ROCK2: variants seen among roughly 807,000 people sequenced by gnomAD.
The protein encoded by ROCK2 is rho-associated protein kinase 2.
A neutral mutation model predicts 195.1 loss-of-function variants in ROCK2; 61 were observed. That is an observed-to-expected ratio of 0.31 (90% CI 0.25 to 0.39). ROCK2 has a LOEUF of 0.39. Among genes scored for constraint, ROCK2 ranks in the 10% least tolerant of loss-of-function variants. The pLI is 1.00. For missense variants in ROCK2, 1,109 were observed against 1,637.4 expected (o/e 0.68, Z 5.57); for synonymous variants, 504 against 545.5 (o/e 0.92, Z 1.06).
At chr2:11,307,907 G>A in intron 1 of ROCK2, 1 of 1,263,772 alleles carries the variant, frequency 7.9e-7, no homozygotes, top group Admixed American at 3.1e-5. Context: ...GGGTGGCGGT[G>A]GTGGCCGTAG....
At chr2:11,189,886 G>A (rs981257845) in intron 32 of ROCK2, among the ~76,000 whole-genome samples, 17 of 151,944 alleles carry the variant, frequency 1.1e-4, no homozygotes, top group African/African-American at 4.1e-4. Context: ...ACCTACTCTG[G>A]GAGGCTGAGG....
At chr2:11,231,064 CT>C (rs1414857147) in intron 5 of ROCK2, among the ~76,000 whole-genome samples, 1 of 151,456 alleles carries the variant, frequency 6.6e-6, no homozygotes, top group Non-Finnish European at 1.5e-5. Flanking sequence ...AAATGCATAC[CT>C]TTTTTTAAAA....
chr2:11,234,450 T>C (rs1226983612), intron 5 of ROCK2: 1 of 152,164 alleles, frequency 6.6e-6, no homozygotes, highest in African/African-American at 2.4e-5. Context: ...TAGGAAATTA[T>C]TTCATACTTC....
Position 11,344,601 on chromosome 2 carries a change from C to G in ROCK2, c.-465G>C, listed in dbSNP as rs1306170445. 2.2e-6 allele frequency: 1 copy of G among 454,444 alleles called. No individual in the cohort carries two copies. The highest frequency in any genetic ancestry group is 2.1e-5 in the African/African-American group (1 of 46,638). 28.2% of individuals were successfully genotyped at this position (454,444 alleles called of 1,614,324 possible). A position where few individuals can be genotyped will look rare whatever the true frequency, so the allele number is the denominator to read the frequency against. On this transcript the variant is annotated 5_prime_UTR_variant, in exon 1 of 33. Coordinates refer to ENST00000315872, the MANE Select transcript of ROCK2 (RefSeq NM_004850.5). The surrounding 1 kb of genome is among the most constrained non-coding windows in gnomAD (Gnocchi z 5.4). Reference sequence around the variant, plus strand: ...GGCCGCCTTGCAGTCCCTCAGCCAGCTCCCGGCGCACACACTCCCGCGCGG... The same window carrying G: ...GGCCGCCTTGCAGTCCCTCAGCCAGGTCCCGGCGCACACACTCCCGCGCGG...
chr2:11,244,935 C>G (rs1045695414), intron 4 of ROCK2, among the ~76,000 whole-genome samples: 4 of 151,842 alleles, frequency 2.6e-5, no homozygotes, highest in African/African-American at 9.7e-5. Flanking sequence ...ATAAGAAAAC[C>G]AAGAGCCCAT....
At chr2:11,326,044 G>T (rs905733982) in intron 1 of ROCK2, among the ~76,000 whole-genome samples, 4 of 152,166 alleles carry the variant, frequency 2.6e-5, no homozygotes, top group Admixed American at 2.6e-4. Flanking sequence ...GGGGAAAAAA[G>T]AATGTAGTTG....
intron 1 of ROCK2, among the ~76,000 whole-genome samples, chr2:11,328,160 T>C (rs938181530): frequency 6.6e-6 from 1 of 152,242 alleles, no homozygotes; most frequent in Non-Finnish European, 1.5e-5. Flanking sequence ...TTTGTCTTAC[T>C]ATTCTCTTAG....
intron 27 of ROCK2, among the ~76,000 whole-genome samples, chr2:11,196,119 A>T (rs1663626294): frequency 6.6e-6 from 1 of 152,180 alleles, no homozygotes; most frequent in Non-Finnish European, 1.5e-5. Context: ...ACAGAACAGG[A>T]ATTATTTTCC....
At chr2:11,287,819 T>C in intron 1 of ROCK2, 83 bp from the exon 2 acceptor site, 2 of 492,522 alleles carry the variant, frequency 4.1e-6, no homozygotes, top group East Asian at 3.5e-5. Flanking sequence ...TTTATTTATG[T>C]CATTTTCACC....
chr2:11,292,942 C>A (rs1572371369), intron 1 of ROCK2, among the ~76,000 whole-genome samples: 1 of 152,150 alleles, frequency 6.6e-6, no homozygotes, highest in East Asian at 1.9e-4. Flanking sequence ...CCTCCCCCTT[C>A]TCCCTCTTCC....
intron 3 of ROCK2, among the ~76,000 whole-genome samples, chr2:11,254,914 T>A (rs764093843): frequency 1.3e-5 from 2 of 151,316 alleles, no homozygotes; most frequent in African/African-American, 2.4e-5. Flanking sequence ...GGTTGTACCC[T>A]ACAAATTTAA....
chr2:11,314,415 T>C (rs1278165124), intron 1 of ROCK2, among the ~76,000 whole-genome samples: 1 of 132,402 alleles, frequency 7.6e-6, no homozygotes, highest in Non-Finnish European at 1.6e-5. Context: ...TTTAAAATAG[T>C]GTTTAGGAAT....
chr2:11,304,134 T>A (rs1667786167), intron 1 of ROCK2, among the ~76,000 whole-genome samples: 1 of 152,212 alleles, frequency 6.6e-6, no homozygotes, highest in South Asian at 2.1e-4. Flanking sequence ...TTTAAATATG[T>A]GCTGATGGCT....
chr2:11,271,892 C>G (rs1666644130), intron 3 of ROCK2, among the ~76,000 whole-genome samples: 1 of 151,916 alleles, frequency 6.6e-6, no homozygotes, highest in Non-Finnish European at 1.5e-5. Context: ...TGGTGGCGGG[C>G]ACCTGTAGTC....
At chr2:11,188,682 G>C (rs1380750930) in intron 32 of ROCK2, among the ~76,000 whole-genome samples, 1 of 151,048 alleles carries the variant, frequency 6.6e-6, no homozygotes, top group Non-Finnish European at 1.5e-5. Context: ...GGAGTGCAGT[G>C]GCGTGATCTC....
In ROCK2 at chr2:11,219,068, T is replaced by G. The variant is rs181256132; in HGVS notation, c.1260-42A>C. Reference sequence around the variant, plus strand: ...AGAAAATAAATTTTTTCATTTCATTTTAATCTATGTGCTGTTTTATTCAAG... The same window carrying G: ...AGAAAATAAATTTTTTCATTTCATTGTAATCTATGTGCTGTTTTATTCAAG... On this transcript the variant is annotated intron_variant, in intron 9 of 32. Coordinates refer to ENST00000315872, the MANE Select transcript of ROCK2 (RefSeq NM_004850.5). The G allele has an allele frequency of 1.4e-5, 15 of 1,076,788 alleles. No individual in the cohort carries two copies. In the Admixed American group the frequency reaches 2.6e-4, roughly 19 times the overall value. The allele number at this position is 1,076,788 out of a possible 1,614,324, so 66.7% of individuals were successfully genotyped here.
At chr2:11,339,428 A>G (rs1669034928) in intron 1 of ROCK2, among the ~76,000 whole-genome samples, 1 of 152,070 alleles carries the variant, frequency 6.6e-6, no homozygotes, top group South Asian at 2.1e-4. Context: ...TGAACATAGT[A>G]TATCTTAAAA....
At chr2:11,294,670 T>C (rs1286269659) in intron 1 of ROCK2, among the ~76,000 whole-genome samples, 1 of 152,206 alleles carries the variant, frequency 6.6e-6, no homozygotes, top group African/African-American at 2.4e-5. Context: ...ATGAATCAAA[T>C]TGCATTCATA....
At chr2:11,271,880 C>T (rs957782700) in intron 3 of ROCK2, among the ~76,000 whole-genome samples, 1 of 151,962 alleles carries the variant, frequency 6.6e-6, no homozygotes, top group African/African-American at 2.4e-5. Flanking sequence ...ATTAGCCGGG[C>T]GTGGTGGCGG....
Sources: gnomAD v4.1 joint callset for allele counts (sites outside exome capture counted in the v4.1 genomes callset) on GRCh38, gnomAD v4.1.1 for gene constraint, Gnocchi (gnomAD v3.1) non-coding constraint, MANE v1.5 for transcripts, NCBI Gene and HGNC (gene_info 2026-07-23, HGNC 2026-07-21) for gene names.